The following PLAC8 variants were observed in gnomAD, a reference collection of about 807,000 sequenced individuals.
PLAC8 encodes the protein placenta-specific gene 8 protein.
Under a neutral mutation model 12.6 loss-of-function variants are expected in PLAC8, and 6 were observed. The ratio of observed to expected loss-of-function variants is 0.48; its 90% CI spans 0.26 to 0.94. The LOEUF (loss-of-function observed/expected upper bound fraction) is 0.94. PLAC8 is among the 40% of genes least tolerant of loss of function. The probability of loss-of-function intolerance (pLI) is 0.14; values close to 1 mark genes in which losing one functional copy is unlikely to be tolerated. For missense variants in PLAC8, 122 were observed against 152.7 expected (o/e 0.80, Z 1.06); for synonymous variants, 54 against 52.6 (o/e 1.03, Z -0.11).
chr4:83,110,261 C>T (rs1460595379), intron 1 of PLAC8, among the ~76,000 whole-genome samples: 1 of 150,352 alleles, frequency 6.7e-6, no homozygotes, highest in African/African-American at 2.5e-5. Context: ...CCCCCGCCCG[C>T]TGATTTGAAT....
At chr4:83,100,601 G>A (rs1284229830) in intron 3 of PLAC8, among the ~76,000 whole-genome samples, 1 of 152,092 alleles carries the variant, frequency 6.6e-6, no homozygotes, top group Non-Finnish European at 1.5e-5. Flanking sequence ...TGATAAATGT[G>A]TGTATTCTGA....
intron 2 of PLAC8, among the ~76,000 whole-genome samples, chr4:83,106,800 C>T (rs533433321): frequency 2.7e-4 from 41 of 152,320 alleles, no homozygotes; most frequent in African/African-American, 9.9e-4. Context: ...TTATTGAGAA[C>T]TAAGCACCTT....
intron 3 of PLAC8, among the ~76,000 whole-genome samples, chr4:83,095,540 A>T (rs949644971): frequency 6.6e-6 from 1 of 152,256 alleles, no homozygotes; most frequent in African/African-American, 2.4e-5. Context: ...GTAAACACTG[A>T]ATATGGAATT....
chr4:83,094,595 C>T (rs1731881372), intron 4 of PLAC8, 83 bp downstream of exon 4: 1 of 739,154 alleles, frequency 1.4e-6, no homozygotes, highest in South Asian at 1.8e-5. Flanking sequence ...CTGAATTATT[C>T]AAAACAACAA....
At position 83,094,746 on chromosome 4, in the gene PLAC8, A is replaced by C; in HGVS notation, c.289T>G (p.Cys97Gly). ...TCTCTCTTGATTTGGCAAAGAGTAC[A>C]ATGAGGACAGCAAAGAGTTGCCATA... ...DYMATLCCPH[C>G]TLCQIKRDIN... Residue 97 changes from cysteine to glycine, a missense_variant, in exon 4 of 5, where the codon TGT (cysteine) becomes GGT (glycine). Coordinates refer to ENST00000311507, the MANE Select transcript of PLAC8 (RefSeq NM_016619.3). 6.2e-7 allele frequency: 1 copy of C among 1,606,322 alleles called. No individual in the cohort carries two copies. Among genetic ancestry groups the C allele is most frequent in the Non-Finnish European group, 8.5e-7 (1 of 1,177,896 alleles).
chr4:83,100,244 G>A (rs1459832801), intron 3 of PLAC8, among the ~76,000 whole-genome samples: 1 of 147,204 alleles, frequency 6.8e-6, no homozygotes, highest in Non-Finnish European at 1.5e-5. Context: ...TCGTGCCACT[G>A]CACTCCAGCC....
At chr4:83,104,750 G>A in intron 3 of PLAC8, 146 bp downstream of exon 3, 2 of 859,596 alleles carry the variant, frequency 2.3e-6, no homozygotes, top group Non-Finnish European at 1.9e-6. Context: ...AAGATCTGTT[G>A]CTACAACTGA....
At chr4:83,100,046 A>G (rs1462807623) in intron 3 of PLAC8, among the ~76,000 whole-genome samples, 1 of 147,560 alleles carries the variant, frequency 6.8e-6, no homozygotes, top group East Asian at 2.0e-4. Context: ...CGAGGCGGGC[A>G]GATCACAAGG....
intron 4 of PLAC8, among the ~76,000 whole-genome samples, chr4:83,091,212 A>G (rs185686063): frequency 1.4e-4 from 21 of 152,312 alleles, no homozygotes; most frequent in African/African-American, 4.8e-4. Flanking sequence ...TACTACCTTC[A>G]GATTACTCAG....
intron 2 of PLAC8, among the ~76,000 whole-genome samples, chr4:83,105,759 G>T (rs1344508522): frequency 6.6e-6 from 1 of 152,170 alleles, no homozygotes; most frequent in Non-Finnish European, 1.5e-5. Context: ...ATTGGAACTT[G>T]TGTATTCATT....
chr4:83,113,689 T>C (rs1732473251), intron 1 of PLAC8, among the ~76,000 whole-genome samples: 1 of 151,898 alleles, frequency 6.6e-6, no homozygotes, highest in Admixed American at 6.6e-5. Context: ...GGGGCCACCT[T>C]GGAAAATGCA....
intron 2 of PLAC8, among the ~76,000 whole-genome samples, 183 bp downstream of exon 2, chr4:83,107,619 GCT>G (rs1732284328): frequency 8.5e-5 from 1 of 11,832 alleles, no homozygotes; most frequent in East Asian, 4.7e-3. Context: ...CCATACGGAG[GCT>G]TTTTTTTTTT....
At chr4:83,098,100 G>A (rs189899806) in intron 3 of PLAC8, among the ~76,000 whole-genome samples, 51 of 152,212 alleles carry the variant, frequency 3.4e-4, no homozygotes, top group Non-Finnish European at 5.7e-4. Flanking sequence ...CTTGTGATCT[G>A]CTCACCTCGG....
intron 1 of PLAC8, among the ~76,000 whole-genome samples, chr4:83,108,516 C>A (rs1171476219): frequency 6.6e-6 from 1 of 152,166 alleles, no homozygotes; most frequent in Non-Finnish European, 1.5e-5. Context: ...ATCGCTTGAA[C>A]CGGGAAGGTG....
At chr4:83,102,751 A>T (rs1163678864) in intron 3 of PLAC8, among the ~76,000 whole-genome samples, 1 of 152,132 alleles carries the variant, frequency 6.6e-6, no homozygotes, top group African/African-American at 2.4e-5. Context: ...CTGCAATCTC[A>T]TGATAAAACT....
At chr4:83,093,391 C>A (rs1000463167) in intron 4 of PLAC8, 4 of 152,342 alleles carry the variant, frequency 2.6e-5, no homozygotes, top group African/African-American at 9.7e-5. Flanking sequence ...ACACAGCTCT[C>A]TCCTTAAGGA....
rs531964286 is a variant in PLAC8, at chr4:83,114,072, A to AT, written c.-30+593dup. Among the ~76,000 whole-genome samples the AT allele has an allele frequency of 4.3e-3, 651 of 151,624 alleles. 4 individuals carry two copies. The highest frequency in any genetic ancestry group is 0.015 in the African/African-American group (612 of 41,424). On this transcript the variant is annotated intron_variant, in intron 1 of 4. Transcript: ENST00000311507. ...CTACTGTTTATTGATGTTAAATTTC[A>AT]TTTTTTTGCTTTGATTGAAACATTT...
chr4:83,106,006 TTTTA>T (rs1352738429), intron 2 of PLAC8, among the ~76,000 whole-genome samples: 2 of 151,966 alleles, frequency 1.3e-5, no homozygotes, highest in African/African-American at 2.4e-5. Context: ...TTTTATTTTA[TTTTA>T]TTTACTTATT....
At chr4:83,104,155 A>C (rs999105708) in intron 3 of PLAC8, among the ~76,000 whole-genome samples, 3 of 152,170 alleles carry the variant, frequency 2.0e-5, no homozygotes, top group African/African-American at 7.2e-5. Flanking sequence ...ATTAAGGTAC[A>C]TATGTTGTTT....
Sources: allele counts gnomAD v4.1 joint callset (sites outside exome capture counted in the v4.1 genomes callset), GRCh38; gene constraint gnomAD v4.1.1; transcripts MANE v1.5; gene names NCBI Gene and HGNC (gene_info 2026-07-23, HGNC 2026-07-21).